Variants in RYR2 observed in about 807,000 individuals in gnomAD.
RYR2 encodes ryanodine receptor 2.
RYR2 carries 227 observed loss-of-function variants against 601.1 expected under a neutral mutation model. The observed-to-expected ratio is 0.38, with a 90% CI of 0.34 to 0.42. The LOEUF (loss-of-function observed/expected upper bound fraction) is 0.42. RYR2 is among the 10% of genes least tolerant of loss of function. The pLI is 1.00. For synonymous variants in RYR2, 2,223 were observed against 2,175.1 expected (o/e 1.02, Z -0.61); for missense variants, 4,646 against 6,156.5 (o/e 0.75, Z 8.21).
At chr1:237,497,921 G>A (rs192740469) in intron 20 of RYR2, among the ~76,000 whole-genome samples, 1 of 152,056 alleles carries the variant, frequency 6.6e-6, no homozygotes, top group East Asian at 1.9e-4. Context: ...GAGTGCAGTG[G>A]TGCAATCTTG....
intron 24 of RYR2, among the ~76,000 whole-genome samples, chr1:237,527,860 C>T (rs1298284990): frequency 6.6e-6 from 1 of 152,112 alleles, no homozygotes; most frequent in East Asian, 1.9e-4. Flanking sequence ...TAGAAATAAA[C>T]AATGTATAAG....
At chr1:237,574,774 C>T (rs1469145928) in intron 29 of RYR2, among the ~76,000 whole-genome samples, 8 of 152,064 alleles carry the variant, frequency 5.3e-5, no homozygotes, top group Non-Finnish European at 1.2e-4. Flanking sequence ...GCCCAAGGAA[C>T]CAAATTCCAT....
chr1:237,635,438 A>G (rs1648108825), intron 44 of RYR2, among the ~76,000 whole-genome samples: 1 of 152,132 alleles, frequency 6.6e-6, no homozygotes, highest in Non-Finnish European at 1.5e-5. Flanking sequence ...TTGACATCTC[A>G]TATGTACATT....
chr1:237,557,654 G>A (rs571326831), intron 27 of RYR2, among the ~76,000 whole-genome samples: 1 of 151,870 alleles, frequency 6.6e-6, no homozygotes, highest in East Asian at 1.9e-4. Context: ...ACAGCAGTTT[G>A]GTGACAAAAA....
chr1:237,803,451 C>T (rs1193003009), intron 98 of RYR2, among the ~76,000 whole-genome samples: 1 of 152,168 alleles, frequency 6.6e-6, no homozygotes, highest in Middle Eastern at 3.2e-3. Flanking sequence ...CAGGCGCCCG[C>T]CACCACGCCC....
At chr1:237,605,826 A>G (rs1677061251) in intron 35 of RYR2, among the ~76,000 whole-genome samples, 1 of 152,082 alleles carries the variant, frequency 6.6e-6, no homozygotes, top group South Asian at 2.1e-4. Context: ...AATTGCTTCC[A>G]AGAGAATAAA....
chr1:237,341,661 G>T, intron 3 of RYR2: 1 of 516,466 alleles, frequency 1.9e-6, no homozygotes, highest in Non-Finnish European at 3.9e-6. Flanking sequence ...GGAAATATTT[G>T]CTGACTGGAG....
At chr1:237,637,212 AT>A (rs1216419343) in intron 44 of RYR2, among the ~76,000 whole-genome samples, 2 of 152,186 alleles carry the variant, frequency 1.3e-5, no homozygotes, top group Admixed American at 6.5e-5. Context: ...GATATAAAAC[AT>A]TTTTAGCTAT....
chr1:237,291,481 A>G (rs1692185011), intron 2 of RYR2, among the ~76,000 whole-genome samples: 1 of 152,204 alleles, frequency 6.6e-6, no homozygotes, highest in South Asian at 2.1e-4. Context: ...AAACACCTGC[A>G]CATAGATGTT....
intron 88 of RYR2, among the ~76,000 whole-genome samples, chr1:237,779,804 T>A (rs1694952845): frequency 6.6e-6 from 1 of 152,360 alleles, no homozygotes; most frequent in South Asian, 2.1e-4. Context: ...CAGCATGAAC[T>A]GAACCTGATT....
At chr1:237,325,195 G>T (rs188170538) in intron 2 of RYR2, among the ~76,000 whole-genome samples, 1 of 152,180 alleles carries the variant, frequency 6.6e-6, no homozygotes, top group Non-Finnish European at 1.5e-5. Flanking sequence ...GGTGTATCTA[G>T]ATTCTGTGGC....
chr1:237,689,184 C>T lies in RYR2; in HGVS notation c.9067+1680C>T, dbSNP rs114235717. ...ACAGGACGCTGAGATGGATGGATCA[C>T]TTGAGCCCAGGAATCTGAGGTAGCA... On this transcript the variant is annotated intron_variant, in intron 63 of 104. Coordinates refer to ENST00000366574, the MANE Select transcript of RYR2 (RefSeq NM_001035.3). 9.4e-3 allele frequency among the ~76,000 whole-genome samples: 1,428 copies of T among 152,306 alleles called. 18 individuals carry two copies. Among genetic ancestry groups the T allele is most frequent in the African/African-American group, 0.032 (1,325 of 41,560 alleles).
rs1553332440 is a variant in RYR2 at position 237,180,624 on chromosome 1, G to GTATATGTGTATATATGTGTA, written c.49-89856_49-89855insGTATATATGTGTATATATGT. Among the ~76,000 whole-genome samples the GTATATGTGTATATATGTGTA allele has an allele frequency of 1.6e-5, 2 of 123,192 alleles. No individual in the cohort carries two copies. The highest frequency in any genetic ancestry group is 2.9e-5 in the African/African-American group (1 of 34,682). 80.8% of individuals were successfully genotyped at this position (123,192 alleles called of 152,430 possible). A position where few individuals can be genotyped will look rare whatever the true frequency, so the allele number is the denominator to read the frequency against. On this transcript the variant is annotated intron_variant, in intron 1 of 104. Transcript: ENST00000366574. This position sits in a 1 kb window ranked among gnomAD's most constrained non-coding sequence, Gnocchi z 5.3. The stretch of plus-strand genomic sequence containing the variant: ...TATATATATGTATATATGTATATAT[G>GTATATGTGTATATATGTGTA]TATATGTGTATATATGTATATGTAT...
chr1:237,294,308 A>G (rs1430117416), intron 2 of RYR2, among the ~76,000 whole-genome samples: 1 of 151,936 alleles, frequency 6.6e-6, no homozygotes, highest in Non-Finnish European at 1.5e-5. Flanking sequence ...TCCTTTTCTA[A>G]TTTTCCTAGA....
chr1:237,344,631 T>C (rs550780548), intron 3 of RYR2, among the ~76,000 whole-genome samples: 2 of 152,206 alleles, frequency 1.3e-5, no homozygotes, highest in Admixed American at 6.5e-5. Flanking sequence ...ACTCGTAGAG[T>C]TCCTTATCAC....
intron 71 of RYR2, among the ~76,000 whole-genome samples, chr1:237,713,609 G>A (rs1378040572): frequency 6.6e-6 from 1 of 152,102 alleles, no homozygotes; most frequent in Non-Finnish European, 1.5e-5. Context: ...ATATTGGCCA[G>A]GCTGGTCTCA....
chr1:237,734,369 C>T (rs1456249505), intron 79 of RYR2, among the ~76,000 whole-genome samples: 8 of 152,264 alleles, frequency 5.3e-5, no homozygotes, highest in African/African-American at 7.2e-5. Flanking sequence ...CACTCACTAT[C>T]GTGAGAACAG....
chr1:237,576,477 A>G (rs1038146505), intron 29 of RYR2, among the ~76,000 whole-genome samples: 2 of 152,126 alleles, frequency 1.3e-5, no homozygotes, highest in African/African-American at 4.8e-5. Context: ...ATAGAACATG[A>G]TGAGGTAGTG....
At chr1:237,728,555 T>G (rs996113740) in intron 76 of RYR2, among the ~76,000 whole-genome samples, 1 of 151,962 alleles carries the variant, frequency 6.6e-6, no homozygotes, top group Admixed American at 6.6e-5. Context: ...AATGATAGAC[T>G]GGATAAAGAA....
Sources: gnomAD v4.1 joint callset for allele counts (sites outside exome capture counted in the v4.1 genomes callset) on GRCh38, gnomAD v4.1.1 for gene constraint, Gnocchi (gnomAD v3.1) non-coding constraint, MANE v1.5 for transcripts, NCBI Gene and HGNC (gene_info 2026-07-23, HGNC 2026-07-21) for gene names.